WIPF3: variants seen among roughly 807,000 people sequenced by gnomAD.
WIPF3 encodes the protein WAS/WASL-interacting protein family member 3.
WIPF3 carries 33 observed loss-of-function variants against 38.9 expected under a neutral mutation model. The ratio of observed to expected loss-of-function variants is 0.85; its 90% CI spans 0.64 to 1.14. WIPF3 has a LOEUF of 1.14. Ranked by LOEUF, WIPF3 falls within the 50% of genes most tolerant of loss-of-function variation. WIPF3 has a pLI of 0.00. For missense variants in WIPF3, 711 were observed against 652.5 expected (o/e 1.09, Z -0.98); for synonymous variants, 324 against 269.3 (o/e 1.20, Z -1.99).
chr7:29,866,409 C>A (rs532869770), intron 2 of WIPF3, among the ~76,000 whole-genome samples: 6 of 152,194 alleles, frequency 3.9e-5, no homozygotes, highest in Non-Finnish European at 8.8e-5. Context: ...AGAAGAGGCC[C>A]AACACTCACA....
At chr7:29,896,566 T>A in intron 7 of WIPF3, among the ~76,000 whole-genome samples, 1 of 151,964 alleles carries the variant, frequency 6.6e-6, no homozygotes, top group East Asian at 1.9e-4. Context: ...CAGTGAGCCA[T>A]AATGGTGCCA....
At chr7:29,812,703 C>T (rs1481055982) in intron 1 of WIPF3, among the ~76,000 whole-genome samples, 7 of 152,118 alleles carry the variant, frequency 4.6e-5, no homozygotes, top group Non-Finnish European at 1.0e-4. Flanking sequence ...ATTGCAACCC[C>T]ATCACTCAAA....
chr7:29,883,065 G>C (rs1364615556), intron 4 of WIPF3, among the ~76,000 whole-genome samples: 1 of 152,248 alleles, frequency 6.6e-6, no homozygotes, highest in Non-Finnish European at 1.5e-5. Context: ...CTGGGGACGT[G>C]CTCCACCTGA....
chr7:29,909,773 G>T (rs1786469567), intron 8 of WIPF3, among the ~76,000 whole-genome samples: 1 of 151,964 alleles, frequency 6.6e-6, no homozygotes. Flanking sequence ...GTGCGTGGCT[G>T]TAGTCTAGCT....
At chr7:29,861,041 G>T (rs1299216949) in intron 2 of WIPF3, among the ~76,000 whole-genome samples, 1 of 152,086 alleles carries the variant, frequency 6.6e-6, no homozygotes, top group Non-Finnish European at 1.5e-5. Flanking sequence ...TGCAGGCCTG[G>T]GGCTGCACAC....
At chr7:29,818,194 G>A (rs1283454650) in intron 1 of WIPF3, among the ~76,000 whole-genome samples, 1 of 152,088 alleles carries the variant, frequency 6.6e-6, no homozygotes, top group Admixed American at 6.6e-5. Context: ...GCTCAAGCCT[G>A]TAATCCCAGC....
intron 1 of WIPF3, among the ~76,000 whole-genome samples, chr7:29,807,108 G>T (rs1289775828): frequency 6.6e-6 from 1 of 152,100 alleles, no homozygotes; most frequent in Non-Finnish European, 1.5e-5. Context: ...TCGCTGGGGA[G>T]GGGGCTGTCG....
intron 7 of WIPF3, among the ~76,000 whole-genome samples, chr7:29,896,124 T>C (rs953837748): frequency 1.3e-5 from 2 of 152,078 alleles, no homozygotes; most frequent in Non-Finnish European, 2.9e-5. Flanking sequence ...CAGGGCAACA[T>C]AGCAAGACTC....
chr7:29,890,451 A>G (rs888365522), intron 7 of WIPF3, among the ~76,000 whole-genome samples: 1 of 151,894 alleles, frequency 6.6e-6, no homozygotes, highest in African/African-American at 2.4e-5. Context: ...GGCAGGAGCC[A>G]GAGTCAGCAT....
At chr7:29,807,551 G>GT (rs1461285129) in intron 1 of WIPF3, among the ~76,000 whole-genome samples, 1 of 152,216 alleles carries the variant, frequency 6.6e-6, no homozygotes, top group African/African-American at 2.4e-5. Context: ...CCTTTGGAGG[G>GT]TGGCGTGCCA....
intron 8 of WIPF3, among the ~76,000 whole-genome samples, chr7:29,906,636 A>C (rs900145640): frequency 1.3e-5 from 2 of 152,196 alleles, no homozygotes; most frequent in African/African-American, 4.8e-5. Context: ...ATAATAGCTC[A>C]AAACTCTCCA....
chr7:29,911,052 A>G (rs941525707), intron 8 of WIPF3, among the ~76,000 whole-genome samples: 1 of 152,166 alleles, frequency 6.6e-6, no homozygotes, highest in Non-Finnish European at 1.5e-5. Flanking sequence ...ACTGTTAGAA[A>G]TAATTCAGCA....
Position 29,878,969 on chromosome 7 carries a change from T to C in WIPF3, c.224-40T>C. On this transcript the variant is annotated intron_variant, in intron 3 of 8. Transcript: ENST00000242140. This position sits in a 1 kb window ranked among gnomAD's most constrained non-coding sequence, Gnocchi z 4.0. ...GAAATGAGACCTGGCTGCTCAGCTC[T>C]GCTCTCAAGTCCTTGCCTATTTGTG... 1 of 1,563,384 alleles carries C rather than the reference T, an allele frequency of 6.4e-7. No homozygotes were observed. The highest frequency in any genetic ancestry group is 8.7e-7 in the Non-Finnish European group (1 of 1,147,256).
chr7:29,841,458 T>TTTCCCTC (rs1286573058), intron 2 of WIPF3, among the ~76,000 whole-genome samples: 68 of 152,342 alleles, frequency 4.5e-4, no homozygotes, highest in African/African-American at 1.6e-3. Flanking sequence ...CTTCATCTCC[T>TTTCCCTC]TTCCCTCTTT....
At chr7:29,894,087 T>A (rs1786082709) in intron 7 of WIPF3, among the ~76,000 whole-genome samples, 1 of 152,232 alleles carries the variant, frequency 6.6e-6, no homozygotes, top group South Asian at 2.1e-4. Flanking sequence ...CTGCTGGTCA[T>A]GTTTTGCTGA....
rs1784768933 is a variant in WIPF3, at chr7:29,834,589, T to C, written c.-57-79T>C. On this transcript the variant is annotated intron_variant, in intron 1 of 8. Coordinates refer to ENST00000242140, the MANE Select transcript of WIPF3 (RefSeq NM_001080529.3). ...TGAAAGAATCAAGCTGACTATAATA[T>C]GCATGTCTGCAAGATACACATTTCC... 10 of 1,224,616 alleles carry C rather than the reference T, an allele frequency of 8.2e-6. No homozygotes were observed. In the South Asian group the frequency reaches 1.3e-4, roughly 15 times the overall value. The allele number at this position is 1,224,616 out of a possible 1,614,324, so 75.9% of individuals were successfully genotyped here.
At chr7:29,857,650 T>G (rs922254880) in intron 2 of WIPF3, among the ~76,000 whole-genome samples, 7 of 152,212 alleles carry the variant, frequency 4.6e-5, no homozygotes, top group Non-Finnish European at 7.3e-5. Flanking sequence ...TTCTCCCACC[T>G]CCTACCCAGT....
intron 2 of WIPF3, among the ~76,000 whole-genome samples, chr7:29,846,562 A>G (rs941287726): frequency 6.6e-6 from 1 of 152,230 alleles, no homozygotes; most frequent in African/African-American, 2.4e-5. Context: ...TTTGCTGGGC[A>G]TGGTGGCGTG....
intron 8 of WIPF3, among the ~76,000 whole-genome samples, chr7:29,913,341 G>A (rs1313268132): frequency 4.6e-5 from 5 of 107,556 alleles, no homozygotes; most frequent in East Asian, 2.3e-4. Flanking sequence ...GTGAAACTCC[G>A]TCTCAAAAAA....
Sources: gnomAD v4.1 joint callset for allele counts (sites outside exome capture counted in the v4.1 genomes callset) on GRCh38, gnomAD v4.1.1 for gene constraint, Gnocchi (gnomAD v3.1) non-coding constraint, MANE v1.5 for transcripts, NCBI Gene and HGNC (gene_info 2026-07-23, HGNC 2026-07-21) for gene names.